CECR2: variants seen among roughly 807,000 people sequenced by gnomAD.
The protein encoded by CECR2 is chromatin remodeling regulator CECR2.
Under a neutral mutation model 154.5 loss-of-function variants are expected in CECR2, and 30 were observed. The ratio of observed to expected loss-of-function variants is 0.19; its 90% CI spans 0.15 to 0.26. CECR2 has a LOEUF of 0.26. Among genes scored for constraint, CECR2 ranks in the 10% least tolerant of loss-of-function variants. The pLI is 1.00. For synonymous variants in CECR2, 725 were observed against 683.7 expected (o/e 1.06, Z -0.94); for missense variants, 1,743 against 1,829.3 (o/e 0.95, Z 0.86).
chr22:17,509,149 G>T (rs1193641469), intron 7 of CECR2, among the ~76,000 whole-genome samples: 1 of 152,170 alleles, frequency 6.6e-6, no homozygotes, highest in Non-Finnish European at 1.5e-5. Flanking sequence ...CACTCAGGAA[G>T]CTGAGGCAGA....
intron 1 of CECR2, among the ~76,000 whole-genome samples, chr22:17,456,392 A>G (rs1569094101): frequency 6.6e-6 from 1 of 152,126 alleles, no homozygotes; most frequent in Non-Finnish European, 1.5e-5. Context: ...GCAATATAGA[A>G]CATTAAATTT....
At chr22:17,436,773 A>C (rs2054513090) in intron 1 of CECR2, among the ~76,000 whole-genome samples, 1 of 152,218 alleles carries the variant, frequency 6.6e-6, no homozygotes, top group South Asian at 2.1e-4. Flanking sequence ...GTAAGTGTTG[A>C]GCCCCAGATG....
intron 2 of CECR2, among the ~76,000 whole-genome samples, chr22:17,494,081 A>G (rs962145479): frequency 6.6e-6 from 1 of 151,898 alleles, no homozygotes; most frequent in Non-Finnish European, 1.5e-5. Context: ...TTAAAAAAAC[A>G]CTTTTTCATT....
chr22:17,484,339 G>A (rs1272380961), intron 2 of CECR2, among the ~76,000 whole-genome samples: 1 of 152,050 alleles, frequency 6.6e-6, no homozygotes, highest in Non-Finnish European at 1.5e-5. Flanking sequence ...AGTGTTACAG[G>A]TGCACACCCA....
upstream of CECR2, among the ~76,000 whole-genome samples, chr22:17,367,875 T>C (rs560240252): frequency 1.4e-4 from 22 of 152,356 alleles, no homozygotes; most frequent in African/African-American, 5.3e-4. Context: ...AAACGTAGGC[T>C]TGGCTTTTTG....
intron 10 of CECR2, among the ~76,000 whole-genome samples, chr22:17,537,635 A>G (rs898455630): frequency 2.0e-5 from 3 of 152,212 alleles, no homozygotes; most frequent in African/African-American, 7.2e-5. Flanking sequence ...TCCTGAGCTC[A>G]TTTATCATAT....
intron 9 of CECR2, among the ~76,000 whole-genome samples, chr22:17,530,271 G>A (rs1452759472): frequency 6.6e-6 from 1 of 151,774 alleles, no homozygotes; most frequent in Non-Finnish European, 1.5e-5. Context: ...TGTCGCCCAG[G>A]CTGGAGTGCA....
At chr22:17,549,709 C>T (rs2056676660) in intron 17 of CECR2, 145 bp downstream of exon 17, 1 of 657,072 alleles carries the variant, frequency 1.5e-6, no homozygotes, top group Non-Finnish European at 2.6e-6. Flanking sequence ...ACCTCCCAGG[C>T]TCAAGGATCC....
intron 8 of CECR2, chr22:17,518,599 T>TTTA (rs1179038840): frequency 2.6e-6 from 1 of 387,558 alleles, no homozygotes. Flanking sequence ...CACGTCTATC[T>TTTA]TTAGGACGGA....
intron 1 of CECR2, among the ~76,000 whole-genome samples, chr22:17,470,855 T>A (rs533359215): frequency 6.6e-6 from 1 of 152,308 alleles, no homozygotes; most frequent in East Asian, 1.9e-4. Context: ...ACATCCAAAT[T>A]AACCTTCCAA....
chr22:17,542,375 G>A lies in CECR2; in HGVS notation c.2232G>A (p.Arg744=). The A allele has an allele frequency of 6.2e-7, 1 of 1,613,756 alleles. No individual in the cohort carries two copies. The highest frequency in any genetic ancestry group is 1.1e-5 in the South Asian group (1 of 91,066). Residue 744 remains arginine, a synonymous_variant, in exon 16 of 19, where the codon CGG becomes CGA. Transcript: ENST00000262608. ...IPPRHGGAPA[R]PPDFPESSEI... ...CCCGGCATGGGGGGGCTCCAGCCCG[G>A]CCACCAGACTTTCCTGAAAGCTCAG...
chr22:17,421,248 G>A (rs971292095), intron 1 of CECR2, among the ~76,000 whole-genome samples: 4 of 152,062 alleles, frequency 2.6e-5, no homozygotes, highest in Non-Finnish European at 4.4e-5. Context: ...TTGGGAGGCC[G>A]AGGTGGCGGA....
At chr22:17,497,271 C>T (rs2055646608) in intron 2 of CECR2, 132 bp from the exon 3 acceptor site, 3 of 840,518 alleles carry the variant, frequency 3.6e-6, no homozygotes, top group East Asian at 5.4e-5. Flanking sequence ...GCCTGGATGA[C>T]AGAGCGAGAC....
intron 1 of CECR2, among the ~76,000 whole-genome samples, chr22:17,472,246 A>C (rs187756754): frequency 1.2e-3 from 187 of 152,300 alleles, no homozygotes; most frequent in African/African-American, 4.4e-3. Flanking sequence ...TTACAGTGTA[A>C]ATTGGCATGG....
rs747810331 is a variant in CECR2, at chr22:17,504,878, G to T, written c.732G>T (p.Trp244Cys). 1.4e-5 allele frequency: 22 copies of T among 1,613,708 alleles called. No individual in the cohort carries two copies. The highest frequency in any genetic ancestry group is 1.8e-5 in the Non-Finnish European group (21 of 1,179,838). Residue 244 changes from tryptophan (W) to cysteine (C), a missense_variant, in exon 7 of 19, where the codon TGG becomes TGT. Transcript: ENST00000262608. ...AAGGGCCAGGCCAAGGTACTTGGTG[G>T]CTCCTGTGCCAGACAGAAGAGGAAT... ...GSQGPGQGTW[W>C]LLCQTEEEWR...
At chr22:17,387,695 C>A (rs1181970349) in intron 1 of CECR2, among the ~76,000 whole-genome samples, 1 of 152,130 alleles carries the variant, frequency 6.6e-6, no homozygotes, top group Admixed American at 6.5e-5. Flanking sequence ...CTGTTCTATT[C>A]TGTTGACAGT....
intron 8 of CECR2, among the ~76,000 whole-genome samples, chr22:17,514,771 C>A (rs1488157417): frequency 6.6e-6 from 1 of 152,116 alleles, no homozygotes; most frequent in Non-Finnish European, 1.5e-5. Flanking sequence ...CGGTGGCTCA[C>A]GCCTGTAATC....
At position 17,548,771 on chromosome 22, in the gene CECR2, G is replaced by A. The variant is rs1039039190; in HGVS notation, c.3484G>A (p.Gly1162Ser). The A allele has an allele frequency of 1.9e-6, 3 of 1,613,570 alleles. No homozygotes were observed. The African/African-American group carries it at 4.0e-5, about 22-fold the overall frequency. The change falls in exon 17 of 19, where the codon GGC (glycine) becomes AGC (serine). Residue 1162 changes from glycine (G) to serine (S), a missense_variant. Gly to Ser is a moderately conservative substitution (Grantham distance 56). This residue lies in a region of CECR2 where 1,250 missense variants were observed against 1,192.1 expected (regional missense o/e 1.05). Transcript: ENST00000262608. ...CCATCCCCAGCATTTTCCCCCAAGG[G>A]GCTTTCAGTCTAACCACCCACATTC... Reference protein sequence around the residue: ...ASHPQHFPPRGFQSNHPHSGG... With the variant: ...ASHPQHFPPRSFQSNHPHSGG...
At chr22:17,407,366 C>T (rs1368355770) in intron 1 of CECR2, among the ~76,000 whole-genome samples, 3 of 152,156 alleles carry the variant, frequency 2.0e-5, no homozygotes, top group Non-Finnish European at 4.4e-5. Context: ...GAGGCCAAGG[C>T]GGGTGGATCA....
Sources: allele counts gnomAD v4.1 joint callset (sites outside exome capture counted in the v4.1 genomes callset), GRCh38; gene constraint gnomAD v4.1.1; regional missense constraint gnomAD v4.1.1; transcripts MANE v1.5; gene names NCBI Gene and HGNC (gene_info 2026-07-23, HGNC 2026-07-21).